The following PCDH15 variants were observed in gnomAD, a reference collection of about 807,000 sequenced individuals.
PCDH15 encodes protocadherin related 15.
Under a neutral mutation model 178.5 loss-of-function variants are expected in PCDH15, and 129 were observed. That is an observed-to-expected ratio of 0.72 (90% confidence interval 0.63 to 0.84). The LOEUF (loss-of-function observed/expected upper bound fraction) is 0.84. Ranked by LOEUF, PCDH15 falls within the 40% of genes least tolerant of loss-of-function variation. PCDH15 has a pLI of 0.00. For missense variants in PCDH15, 2,230 were observed against 2,099.9 expected (o/e 1.06, Z -1.21); for synonymous variants, 800 against 732.0 (o/e 1.09, Z -1.50).
At chr10:54,381,018 C>G (rs1328424821) in intron 3 of PCDH15, among the ~76,000 whole-genome samples, 4 of 150,940 alleles carry the variant, frequency 2.7e-5, no homozygotes, top group African/African-American at 7.3e-5. Context: ...GTTTTGTTTG[C>G]TTGCCTGCTT....
intron 8 of PCDH15, among the ~76,000 whole-genome samples, chr10:54,286,515 GATGTA>G (rs2059036079): frequency 6.6e-6 from 1 of 152,066 alleles, no homozygotes; most frequent in African/African-American, 2.4e-5. Flanking sequence ...ATCAAGCAAT[GATGTA>G]ATGAACACAA....
chr10:54,655,256 A>AAG (rs1173377441), intron 2 of PCDH15, among the ~76,000 whole-genome samples: 2,746 of 48,702 alleles, frequency 0.056, 146 homozygotes, highest in East Asian at 0.096. Flanking sequence ...GAAAGAAAGA[A>AAG]AGAGAGAGAG....
intron 2 of PCDH15, among the ~76,000 whole-genome samples, chr10:54,657,727 A>G (rs375694317): frequency 1.3e-5 from 2 of 152,228 alleles, no homozygotes; most frequent in South Asian, 2.1e-4. Context: ...TAGAAAATTC[A>G]AAAATAAGAA....
intron 9 of PCDH15, among the ~76,000 whole-genome samples, chr10:54,229,532 T>A (rs1458587211): frequency 6.6e-6 from 1 of 152,168 alleles, no homozygotes; most frequent in East Asian, 1.9e-4. Context: ...CTGAATCTCA[T>A]GGGAGGAAGC....
chr10:54,382,295 A>G (rs2135124233), intron 3 of PCDH15, among the ~76,000 whole-genome samples: 1 of 152,240 alleles, frequency 6.6e-6, no homozygotes, highest in East Asian at 1.9e-4. Context: ...GCTTCTTTTT[A>G]TGTACTTCCT....
intron 1 of PCDH15, among the ~76,000 whole-genome samples, chr10:55,218,715 G>A (rs575421852): frequency 6.6e-6 from 1 of 152,126 alleles, no homozygotes; most frequent in African/African-American, 2.4e-5. Context: ...GATTTGGACT[G>A]TAAGGTGTGG....
intron 3 of PCDH15, among the ~76,000 whole-genome samples, chr10:54,436,526 A>C (rs145914883): frequency 1.3e-5 from 2 of 152,194 alleles, no homozygotes; most frequent in African/African-American, 4.8e-5. Flanking sequence ...AAATGACTTC[A>C]GAAGTTTCAC....
chr10:54,660,915 G>C (rs949755813), intron 2 of PCDH15, among the ~76,000 whole-genome samples: 2 of 151,790 alleles, frequency 1.3e-5, no homozygotes, highest in Admixed American at 1.3e-4. Context: ...CAATATGTCT[G>C]TATGATAAAA....
intron 2 of PCDH15, among the ~76,000 whole-genome samples, chr10:54,599,110 T>C (rs965758623): frequency 6.6e-6 from 1 of 151,934 alleles, no homozygotes; most frequent in Admixed American, 6.6e-5. Flanking sequence ...ATTATTCCTA[T>C]CCAATTAGCA....
intron 8 of PCDH15, among the ~76,000 whole-genome samples, chr10:54,242,504 G>A (rs976416755): frequency 1.3e-5 from 2 of 151,766 alleles, no homozygotes; most frequent in African/African-American, 4.8e-5. Context: ...TTTCATGCAT[G>A]GGTAGGTTGT....
intron 3 of PCDH15, among the ~76,000 whole-genome samples, chr10:54,479,841 T>C (rs1164200857): frequency 6.6e-6 from 1 of 152,082 alleles, no homozygotes; most frequent in African/African-American, 2.4e-5. Flanking sequence ...TGAGTGTAAA[T>C]GATGTCACAT....
At chr10:54,686,440 T>C (rs1179798662) in intron 1 of PCDH15, among the ~76,000 whole-genome samples, 1 of 152,162 alleles carries the variant, frequency 6.6e-6, no homozygotes, top group Non-Finnish European at 1.5e-5. Flanking sequence ...TCATTATTTT[T>C]GTTTTGGTTT....
At chr10:54,111,125 A>G (rs1180307551) in intron 15 of PCDH15, among the ~76,000 whole-genome samples, 1 of 152,162 alleles carries the variant, frequency 6.6e-6, no homozygotes, top group Non-Finnish European at 1.5e-5. Flanking sequence ...TCTCAGAAAA[A>G]TTACAGCCTT....
chr10:54,771,931 T>A (rs1949141863), intron 1 of PCDH15, among the ~76,000 whole-genome samples: 1 of 152,162 alleles, frequency 6.6e-6, no homozygotes, highest in Non-Finnish European at 1.5e-5. Flanking sequence ...TACCTTATTG[T>A]ACCACATTGC....
chr10:54,999,208 A>T (rs2131927546), intron 2 of PCDH15, among the ~76,000 whole-genome samples: 1 of 152,290 alleles, frequency 6.6e-6, no homozygotes, highest in Middle Eastern at 3.4e-3. Context: ...CAAAATTGAT[A>T]GGACAACCTA....
intron 1 of PCDH15, among the ~76,000 whole-genome samples, chr10:55,194,261 C>T (rs934922241): frequency 1.2e-4 from 18 of 152,010 alleles, no homozygotes; most frequent in Non-Finnish European, 4.4e-5. Context: ...GTGTAAATAA[C>T]AGCCCTTTTC....
chr10:55,328,679 C>T (rs1419021105), intron 2 of PCDH15, among the ~76,000 whole-genome samples: 2 of 151,352 alleles, frequency 1.3e-5, no homozygotes, highest in Admixed American at 6.6e-5. Flanking sequence ...TGTGTCTGCA[C>T]TGAACACATA....
intron 18 of PCDH15, among the ~76,000 whole-genome samples, chr10:54,047,885 A>G (rs747540438): frequency 6.4e-4 from 98 of 152,238 alleles, no homozygotes; most frequent in Non-Finnish European, 1.3e-3. Context: ...ATACAAGTGC[A>G]TGTGTCTTTT....
intron 2 of PCDH15, among the ~76,000 whole-genome samples, chr10:55,070,875 C>T (rs1294461086): frequency 1.3e-5 from 2 of 152,018 alleles, no homozygotes; most frequent in Non-Finnish European, 2.9e-5. Flanking sequence ...GGCAGTATGG[C>T]CATTTTCACG....
Sources: allele counts gnomAD v4.1 joint callset (sites outside exome capture counted in the v4.1 genomes callset), GRCh38; gene constraint gnomAD v4.1.1; transcripts MANE v1.5; gene names NCBI Gene and HGNC (gene_info 2026-07-23, HGNC 2026-07-21).